Variants in FRMPD4 observed in about 807,000 individuals in gnomAD.
The protein encoded by FRMPD4 is FERM and PDZ domain-containing protein 4.
A neutral mutation model predicts 94.1 loss-of-function variants in FRMPD4; 22 were observed. The ratio of observed to expected loss-of-function variants is 0.23; its 90% CI spans 0.17 to 0.33. The LOEUF (loss-of-function observed/expected upper bound fraction) is 0.33. Ranked by LOEUF, FRMPD4 falls within the 10% of genes least tolerant of loss-of-function variation. The probability of loss-of-function intolerance (pLI) is 1.00; values close to 1 mark genes in which losing one functional copy is unlikely to be tolerated. For synonymous variants in FRMPD4, 631 were observed against 548.6 expected, an observed-to-expected ratio of 1.15 and a Z score of -2.10; for missense variants, 1,111 against 1,339.9, an observed-to-expected ratio of 0.83 and a Z score of 2.67.
intron 1 of FRMPD4, among the ~76,000 whole-genome samples, chrX:12,185,101 G>A (rs1234453196): frequency 9.0e-6 from 1 of 111,326 alleles, no homozygotes; most frequent in Non-Finnish European, 1.9e-5. Flanking sequence ...AACATCTCAT[G>A]CACACCATAA....
chrX:12,378,147 A>G (rs1026643321), intron 1 of FRMPD4, among the ~76,000 whole-genome samples: 4 of 112,047 alleles, frequency 3.6e-5, no homozygotes, highest in South Asian at 3.8e-4. Flanking sequence ...AATAAAGTTC[A>G]AGGCTTCATT....
chrX:12,475,867 T>C (rs1417125737), intron 1 of FRMPD4, among the ~76,000 whole-genome samples: 2 of 111,213 alleles, frequency 1.8e-5, no homozygotes, highest in Non-Finnish European at 3.8e-5. Context: ...AGAATCAATA[T>C]TGTGAAAATG....
At chrX:12,439,962 G>T (rs756275111) in intron 1 of FRMPD4, among the ~76,000 whole-genome samples, 4 of 111,806 alleles carry the variant, frequency 3.6e-5, no homozygotes, top group Non-Finnish European at 7.5e-5. Flanking sequence ...ACAGTTAAAA[G>T]GTCTCAAATG....
chrX:12,535,555 C>G (rs2058330612), intron 2 of FRMPD4, among the ~76,000 whole-genome samples: 1 of 112,289 alleles, frequency 8.9e-6, no homozygotes, highest in African/African-American at 3.2e-5. Context: ...TCCATACTTA[C>G]TGCTTATAGG....
chrX:12,557,349 A>G (rs1232079025), intron 2 of FRMPD4, among the ~76,000 whole-genome samples: 24 of 111,641 alleles, frequency 2.1e-4, no homozygotes, highest in East Asian at 5.6e-4. Flanking sequence ...TAGACCTTTG[A>G]AAGTGTCAGA....
At chrX:11,992,639 G>C (rs150732949) in intron 3 of FRMPD4, among the ~76,000 whole-genome samples, 23 of 111,959 alleles carry the variant, frequency 2.1e-4, no homozygotes, top group African/African-American at 7.1e-4. Flanking sequence ...TTCAAAAATT[G>C]TATCTGGAAT....
intron 1 of FRMPD4, chrX:12,149,226 TG>T (rs2055814968): frequency 8.9e-6 from 1 of 112,070 alleles, no homozygotes; most frequent in African/African-American, 3.2e-5. Flanking sequence ...GTACTACACT[TG>T]ACTAGTTTTA....
intron 3 of FRMPD4, among the ~76,000 whole-genome samples, chrX:11,901,127 G>A (rs1236124279): frequency 1.8e-5 from 2 of 111,441 alleles, no homozygotes; most frequent in Non-Finnish European, 3.8e-5. Context: ...AATAGTTTTG[G>A]GGGTACAGGT....
chrX:12,348,118 CTT>C (rs907953529), intron 1 of FRMPD4, among the ~76,000 whole-genome samples: 4 of 112,037 alleles, frequency 3.6e-5, no homozygotes, highest in Non-Finnish European at 5.6e-5. Flanking sequence ...GATAACATAA[CTT>C]ATTTCTATAT....
At chrX:12,263,937 G>A (rs772806781) in intron 1 of FRMPD4, among the ~76,000 whole-genome samples, 7 of 111,671 alleles carry the variant, frequency 6.3e-5, no homozygotes, top group Non-Finnish European at 9.4e-5. Flanking sequence ...ACCCACAGCC[G>A]CAAGCCCTTT....
intron 1 of FRMPD4, among the ~76,000 whole-genome samples, chrX:12,478,763 G>A (rs913974284): frequency 8.9e-6 from 1 of 112,015 alleles, no homozygotes. Context: ...TTGAGCAAGT[G>A]GTCTAGAAGT....
At position 12,593,482 on chromosome X, in the gene FRMPD4, C is replaced by G. The variant is rs182423451; in HGVS notation, c.159-16239C>G. On this transcript the variant is annotated intron_variant, in intron 2 of 16. Transcript: ENST00000675598. ...GGCTGAGTTTTCAGATCATTCAGCT[C>G]AGGGACTTTTCAGATTCTTTTTTAA... Among the ~76,000 whole-genome samples, 267 of 112,044 alleles carry G rather than the reference C, an allele frequency of 2.4e-3. 1 individual carries two copies. Among genetic ancestry groups the G allele is most frequent in the South Asian group, 2.2e-3 (6 of 2,688 alleles).
chrX:12,270,635 A>G (rs1299248119), intron 1 of FRMPD4, among the ~76,000 whole-genome samples: 1 of 111,978 alleles, frequency 8.9e-6, no homozygotes, highest in Non-Finnish European at 1.9e-5. Context: ...ATATGTGTAT[A>G]TATCCACATA....
intron 1 of FRMPD4, among the ~76,000 whole-genome samples, chrX:11,849,594 A>G (rs760358615): frequency 9.0e-6 from 1 of 111,128 alleles, no homozygotes; most frequent in South Asian, 3.8e-4. Context: ...AATAGAATAG[A>G]GAGCCCAAAA....
intron 1 of FRMPD4, among the ~76,000 whole-genome samples, chrX:12,427,481 C>G (rs763730118): frequency 9.0e-6 from 1 of 111,267 alleles, no homozygotes; most frequent in Admixed American, 9.6e-5. Context: ...GCTAGGAGAA[C>G]AGGACAATGC....
intron 1 of FRMPD4, among the ~76,000 whole-genome samples, chrX:12,283,925 G>C (rs1050862647): frequency 9.0e-5 from 10 of 111,118 alleles, no homozygotes; most frequent in Non-Finnish European, 1.7e-4. Context: ...CCCTCCCTAG[G>C]GATCCATGAA....
At chrX:12,041,355 G>A (rs775761808) in intron 3 of FRMPD4, among the ~76,000 whole-genome samples, 2 of 112,093 alleles carry the variant, frequency 1.8e-5, no homozygotes, top group African/African-American at 6.5e-5. Context: ...GGTAGATCTA[G>A]CAACAGATTC....
At chrX:11,874,397 G>A (rs1240119834) in intron 2 of FRMPD4, among the ~76,000 whole-genome samples, 1 of 112,112 alleles carries the variant, frequency 8.9e-6, no homozygotes, top group African/African-American at 3.2e-5. Flanking sequence ...TGATCCTTCC[G>A]CCTCAGCCTC....
chrX:12,153,191 C>T (rs374919900), intron 1 of FRMPD4, among the ~76,000 whole-genome samples: 59 of 111,535 alleles, frequency 5.3e-4, no homozygotes, highest in Middle Eastern at 4.6e-3. Flanking sequence ...CCGCCTCGGC[C>T]TCCCAAAGTG....
Sources: allele counts gnomAD v4.1 joint callset (sites outside exome capture counted in the v4.1 genomes callset), GRCh38; gene constraint gnomAD v4.1.1; transcripts MANE v1.5; gene names NCBI Gene and HGNC (gene_info 2026-07-23, HGNC 2026-07-21).